Variants in PRR11 observed in about 807,000 individuals in gnomAD.
The protein encoded by PRR11 is proline rich 11.
PRR11 carries 30 observed loss-of-function variants against 45.6 expected under a neutral mutation model. The ratio of observed to expected loss-of-function variants is 0.66; its 90% CI spans 0.49 to 0.89. The LOEUF (loss-of-function observed/expected upper bound fraction) is 0.89. Among genes scored for constraint, PRR11 ranks in the 40% least tolerant of loss-of-function variants. PRR11 has a pLI of 0.00. For synonymous variants in PRR11, 128 were observed against 153.5 expected (o/e 0.83, Z 1.23); for missense variants, 373 against 424.8 (o/e 0.88, Z 1.07).
chr17:59,191,488 G>C (rs1430844698), intron 4 of PRR11, among the ~76,000 whole-genome samples: 3 of 151,972 alleles, frequency 2.0e-5, no homozygotes, highest in African/African-American at 7.2e-5. Flanking sequence ...CAAGGTGCTG[G>C]GATTATAGAC....
At chr17:59,187,165 T>C (rs1022004094) in intron 4 of PRR11, among the ~76,000 whole-genome samples, 1 of 152,018 alleles carries the variant, frequency 6.6e-6, no homozygotes, top group African/African-American at 2.4e-5. Flanking sequence ...GCCGAGATCG[T>C]GCTGCTGCAC....
At chr17:59,163,128 T>C (rs1228752116) in intron 1 of PRR11, among the ~76,000 whole-genome samples, 5 of 152,052 alleles carry the variant, frequency 3.3e-5, no homozygotes, top group Non-Finnish European at 7.4e-5. Context: ...TCTCGTTCTA[T>C]TGCCCAGGCT....
intron 1 of PRR11, among the ~76,000 whole-genome samples, chr17:59,168,679 G>A (rs1371737494): frequency 6.6e-6 from 1 of 152,042 alleles, no homozygotes; most frequent in Admixed American, 6.5e-5. Flanking sequence ...GACGGAGCTA[G>A]ACTGTGCCTC....
intron 2 of PRR11, among the ~76,000 whole-genome samples, chr17:59,182,670 G>C (rs2046794537): frequency 6.6e-6 from 1 of 152,080 alleles, no homozygotes. Flanking sequence ...TAGGGTTACA[G>C]GTGTGAGCCA....
chr17:59,166,866 T>A (rs2046682424), intron 1 of PRR11, among the ~76,000 whole-genome samples: 1 of 152,088 alleles, frequency 6.6e-6, no homozygotes, highest in Non-Finnish European at 1.5e-5. Context: ...TTGATTATTT[T>A]AAAATTGACC....
intron 1 of PRR11, among the ~76,000 whole-genome samples, chr17:59,164,748 G>A (rs986371957): frequency 4.0e-4 from 60 of 151,744 alleles, no homozygotes; most frequent in Non-Finnish European, 6.2e-4. Flanking sequence ...GCATGGTGGC[G>A]CGCGCCTGTA....
At chr17:59,156,112 A>G (rs1384948346) in intron 1 of PRR11, among the ~76,000 whole-genome samples, 2 of 152,242 alleles carry the variant, frequency 1.3e-5, no homozygotes, top group Non-Finnish European at 2.9e-5. Flanking sequence ...CGGCATCCGC[A>G]TCTCTTGTTT....
intron 2 of PRR11, chr17:59,179,820 A>G (rs1409304850): frequency 2.2e-5 from 30 of 1,350,122 alleles, no homozygotes; most frequent in Non-Finnish European, 3.0e-5. Context: ...TCGTCCGACC[A>G]CTCCCTCTTC....
At chr17:59,165,418 C>A (rs911901974) in intron 1 of PRR11, among the ~76,000 whole-genome samples, 1 of 152,126 alleles carries the variant, frequency 6.6e-6, no homozygotes, top group African/African-American at 2.4e-5. Flanking sequence ...TTCATTGCAG[C>A]CTCAAACTCC....
chr17:59,177,663 A>T (rs1162246183), intron 2 of PRR11, among the ~76,000 whole-genome samples: 1 of 152,126 alleles, frequency 6.6e-6, no homozygotes, highest in East Asian at 1.9e-4. Flanking sequence ...GGCAGGGGCC[A>T]CTCATTCACT....
At chr17:59,198,773 G>T (rs2046878726) in intron 9 of PRR11, among the ~76,000 whole-genome samples, 1 of 152,048 alleles carries the variant, frequency 6.6e-6, no homozygotes, top group African/African-American at 2.4e-5. Context: ...GGAGACGGAG[G>T]TTGCAGTGAG....
intron 2 of PRR11, chr17:59,181,382 T>A (rs1020956173): frequency 5.8e-6 from 4 of 694,252 alleles, no homozygotes; most frequent in Non-Finnish European, 9.1e-6. Context: ...TGATCACTTC[T>A]GAGTCCTCCC....
intron 1 of PRR11, among the ~76,000 whole-genome samples, chr17:59,157,822 A>G (rs2046633590): frequency 6.6e-6 from 1 of 152,226 alleles, no homozygotes; most frequent in East Asian, 1.9e-4. Flanking sequence ...TATCTATAAG[A>G]TAAAATAACA....
At chr17:59,188,466 C>T (rs1051704204) in intron 4 of PRR11, among the ~76,000 whole-genome samples, 6 of 151,902 alleles carry the variant, frequency 3.9e-5, no homozygotes, top group Non-Finnish European at 8.8e-5. Flanking sequence ...TGAAAAATAG[C>T]GAAAACTTAC....
At position 59,201,704 on chromosome 17, in the gene PRR11, C is replaced by G; in HGVS notation, c.*73C>G. 2 of 1,477,990 alleles carry G rather than the reference C, an allele frequency of 1.4e-6. No individual in the cohort carries two copies. The highest frequency in any genetic ancestry group is 1.9e-6 in the Non-Finnish European group (2 of 1,061,830). The allele number at this position is 1,477,990 out of a possible 1,614,324, so 91.6% of individuals were successfully genotyped here. On this transcript the variant is annotated 3_prime_UTR_variant, in exon 10 of 10. Transcript: ENST00000262293. ...AAAAACACCCAGCTGGGTGCAGTGG[C>G]TCACACCTGTAATCCCAGCACTTTG...
chr17:59,156,856 T>C (rs1187317904), intron 1 of PRR11, among the ~76,000 whole-genome samples: 1 of 152,126 alleles, frequency 6.6e-6, no homozygotes. Flanking sequence ...CTCGATTTCC[T>C]GACCTCGTGA....
At chr17:59,173,106 G>A (rs2046719709) in intron 2 of PRR11, among the ~76,000 whole-genome samples, 1 of 152,190 alleles carries the variant, frequency 6.6e-6, no homozygotes, top group Admixed American at 6.5e-5. Flanking sequence ...GTCTAGCTCA[G>A]GGTTTCTAAA....
At chr17:59,197,963 A>T in intron 9 of PRR11, 174 bp downstream of exon 9, 2 of 602,124 alleles carry the variant, frequency 3.3e-6, no homozygotes, top group East Asian at 5.7e-5. Context: ...AAAATACAAA[A>T]AATTAGCCAG....
intron 2 of PRR11, among the ~76,000 whole-genome samples, chr17:59,171,406 T>A (rs917167789): frequency 2.6e-4 from 39 of 152,200 alleles, no homozygotes; most frequent in Non-Finnish European, 5.4e-4. Context: ...TAGCTATAAG[T>A]GTAATACATA....
Sources: allele counts gnomAD v4.1 joint callset (sites outside exome capture counted in the v4.1 genomes callset), GRCh38; gene constraint gnomAD v4.1.1; transcripts MANE v1.5; gene names NCBI Gene and HGNC (gene_info 2026-07-23, HGNC 2026-07-21).